PDZRN3: variants seen among roughly 807,000 people sequenced by gnomAD.
The protein encoded by PDZRN3 is PDZ domain containing ring finger 3.
A neutral mutation model predicts 85.7 loss-of-function variants in PDZRN3; 38 were observed. The ratio of observed to expected loss-of-function variants is 0.44; its 90% CI spans 0.34 to 0.58. PDZRN3 has a LOEUF of 0.58. Ranked by LOEUF, PDZRN3 falls within the 20% of genes least tolerant of loss-of-function variation. The pLI is 0.01. For missense variants in PDZRN3, 1,629 were observed against 1,506.4 expected (o/e 1.08, Z -1.35); for synonymous variants, 759 against 638.0 (o/e 1.19, Z -2.86).
At chr3:73,489,023 T>TG (rs1703718665) in intron 3 of PDZRN3, among the ~76,000 whole-genome samples, 1 of 152,336 alleles carries the variant, frequency 6.6e-6, no homozygotes, top group African/African-American at 2.4e-5. Flanking sequence ...GCCATATCTT[T>TG]GGGCATCATG....
At chr3:73,590,456 C>G (rs1702341831) in intron 3 of PDZRN3, among the ~76,000 whole-genome samples, 2 of 152,158 alleles carry the variant, frequency 1.3e-5, no homozygotes, top group African/African-American at 4.8e-5. Context: ...GGTTAGGTCT[C>G]TCTCTACTGG....
chr3:73,539,836 C>A (rs958157030), intron 3 of PDZRN3, among the ~76,000 whole-genome samples: 3 of 151,938 alleles, frequency 2.0e-5, no homozygotes, highest in African/African-American at 7.3e-5. Flanking sequence ...GGTATAGCTA[C>A]ACAATTCCAA....
At chr3:73,594,818 T>C (rs1398859672) in intron 3 of PDZRN3, among the ~76,000 whole-genome samples, 1 of 152,166 alleles carries the variant, frequency 6.6e-6, no homozygotes, top group Non-Finnish European at 1.5e-5. Flanking sequence ...ATTCACTTTA[T>C]TTTACAAGTG....
chr3:73,573,705 A>G (rs185712720), intron 3 of PDZRN3, among the ~76,000 whole-genome samples: 1 of 152,294 alleles, frequency 6.6e-6, no homozygotes, highest in East Asian at 1.9e-4. Context: ...ATTTTTCCCA[A>G]TCTATGCAAG....
intron 3 of PDZRN3, among the ~76,000 whole-genome samples, chr3:73,413,377 G>A (rs552378206): frequency 7.9e-5 from 12 of 152,258 alleles, no homozygotes; most frequent in African/African-American, 2.9e-4. Context: ...TCTATGGGAG[G>A]AGCCATTTCA....
At chr3:73,528,860 T>A (rs1704585954) in intron 3 of PDZRN3, among the ~76,000 whole-genome samples, 1 of 150,038 alleles carries the variant, frequency 6.7e-6, no homozygotes, top group Non-Finnish European at 1.5e-5. Flanking sequence ...GTGGACACAT[T>A]TAGTCCTAAG....
intron 3 of PDZRN3, chr3:73,433,984 A>C: frequency 1.6e-6 from 2 of 1,281,892 alleles, no homozygotes; most frequent in Non-Finnish European, 2.0e-6. Flanking sequence ...CCTCTGAGTG[A>C]CTCTGGCAGC....
rs760684091 is a variant in PDZRN3 at position 73,385,731 on chromosome 3, T to C, written c.1573A>G (p.Met525Val). The change falls in exon 9 of 10, where the codon ATG becomes GTG. Residue 525 changes from methionine (M) to valine (V), a missense_variant. Transcript: ENST00000263666. ...TGGTGCTGCTCCTCCAGCATGTCCA[T>C]GTGCAGGTCATCCAGAAAGTCGTTC... ...DRNDFLDDLH[M>V]DMLEEQHHQA... 2.5e-6 allele frequency: 4 copies of C among 1,613,956 alleles called. No homozygotes were observed. The highest frequency in any genetic ancestry group is 2.2e-5 in the East Asian group (1 of 44,888).
chr3:73,384,256 G>C lies in PDZRN3; in HGVS notation c.2310C>G (p.Thr770=), dbSNP rs373995137. 134 of 1,613,068 alleles carry C rather than the reference G, an allele frequency of 8.3e-5. No homozygotes were observed. Among genetic ancestry groups the C allele is most frequent in the Non-Finnish European group, 1.1e-4 (130 of 1,179,824 alleles). ...AGGAGTTGTCGGGGGAGATCTCCAG[G>C]GTGAGCGGGGTGCTGCGGCAGCTCT... ...TGESCRSTPL[T]LEISPDNSLR... is the part of the protein sequence containing the mutation. The change falls in exon 10 of 10, where the codon ACC becomes ACG. Residue 770 remains threonine (T), a synonymous_variant. Coordinates refer to ENST00000263666, the MANE Select transcript of PDZRN3 (RefSeq NM_015009.3).
intron 3 of PDZRN3, among the ~76,000 whole-genome samples, chr3:73,528,502 GT>G (rs1367520822): frequency 6.6e-6 from 1 of 152,154 alleles, no homozygotes; most frequent in Non-Finnish European, 1.5e-5. Context: ...GGGATAAACT[GT>G]CAAGAATAAA....
Position 73,539,113 on chromosome 3 carries a change from G to C in PDZRN3, c.918+63241C>G, listed in dbSNP as rs59551550. Among the ~76,000 whole-genome samples the C allele has an allele frequency of 5.0e-3, 758 of 152,204 alleles. 3 individuals are homozygous for C. The highest frequency in any genetic ancestry group is 0.018 in the African/African-American group (740 of 41,512). ...TGATGACAGATTTGCATTTCTCCAT[G>C]GGTCTGCTTCGCTGGCTTTACCACC... On this transcript the variant is annotated intron_variant, in intron 3 of 9. Coordinates refer to ENST00000263666, the MANE Select transcript of PDZRN3 (RefSeq NM_015009.3).
chr3:73,400,888 G>A lies in PDZRN3; in HGVS notation c.1254+34C>T, dbSNP rs1019824870. The A allele has an allele frequency of 3.5e-6, 5 of 1,414,848 alleles. No individual in the cohort carries two copies. The African/African-American group carries it at 5.6e-5, about 16-fold the overall frequency. The allele number at this position is 1,414,848 out of a possible 1,614,324, so 87.6% of individuals were successfully genotyped here. A position where few individuals can be genotyped will look rare whatever the true frequency, so the allele number is the denominator to read the frequency against. On this transcript the variant is annotated intron_variant, in intron 5 of 9. Transcript: ENST00000263666. Reference sequence around the variant, plus strand: ...TTAGGCATTCTGTGTTCTTAATAATGACTCCTAAAATGAGACAAGGATGTT... The same window carrying A: ...TTAGGCATTCTGTGTTCTTAATAATAACTCCTAAAATGAGACAAGGATGTT...
At chr3:73,584,131 GA>G (rs367580315) in intron 3 of PDZRN3, among the ~76,000 whole-genome samples, 4,285 of 128,286 alleles carry the variant, frequency 0.033, 190 homozygotes, top group African/African-American at 0.11. Context: ...AATGAGGGGA[GA>G]AAAAAAAAAA....
intron 3 of PDZRN3, among the ~76,000 whole-genome samples, chr3:73,556,372 C>T (rs936128784): frequency 6.6e-6 from 1 of 151,916 alleles, no homozygotes; most frequent in African/African-American, 2.4e-5. Context: ...AGTAATTTGT[C>T]CTTTTCCTGT....
chr3:73,390,052 T>C (rs1003640738), intron 6 of PDZRN3, among the ~76,000 whole-genome samples, 174 bp from the exon 7 acceptor site: 1 of 152,212 alleles, frequency 6.6e-6, no homozygotes, highest in Admixed American at 6.5e-5. Flanking sequence ...GCTGATCTGC[T>C]TCTAAGCCCT....
At chr3:73,414,845 C>T (rs1289319764) in intron 3 of PDZRN3, among the ~76,000 whole-genome samples, 8 of 152,140 alleles carry the variant, frequency 5.3e-5, no homozygotes, top group Non-Finnish European at 1.0e-4. Context: ...TCTACATCAG[C>T]GATAAACTAA....
At chr3:73,518,902 G>A (rs75697167) in intron 3 of PDZRN3, among the ~76,000 whole-genome samples, 5,181 of 152,268 alleles carry the variant, frequency 0.034, 116 homozygotes, top group Non-Finnish European at 0.053. Flanking sequence ...AATGTTGTGG[G>A]AGCACAAATA....
At chr3:73,404,672 C>T (rs1701819406) in intron 3 of PDZRN3, 2 of 361,262 alleles carry the variant, frequency 5.5e-6, no homozygotes, top group African/African-American at 2.0e-5. Flanking sequence ...TCATCACTTG[C>T]TAATCTTGCC....
At chr3:73,421,558 T>C (rs1047164677) in intron 3 of PDZRN3, among the ~76,000 whole-genome samples, 1 of 152,212 alleles carries the variant, frequency 6.6e-6, no homozygotes, top group African/African-American at 2.4e-5. Flanking sequence ...ATGGAATCCT[T>C]CTCCTGCTTT....
Sources: allele counts gnomAD v4.1 joint callset (sites outside exome capture counted in the v4.1 genomes callset), GRCh38; gene constraint gnomAD v4.1.1; transcripts MANE v1.5; gene names NCBI Gene and HGNC (gene_info 2026-07-23, HGNC 2026-07-21).